LTBP2: variants seen among roughly 807,000 people sequenced by gnomAD.
LTBP2 encodes latent transforming growth factor beta binding protein 2, also known as latent-transforming growth factor beta-binding protein 2.
A neutral mutation model predicts 210.6 loss-of-function variants in LTBP2; 103 were observed. That is an observed-to-expected ratio of 0.49 (90% CI 0.42 to 0.58). The LOEUF is 0.58. Among genes scored for constraint, LTBP2 ranks in the 20% least tolerant of loss-of-function variants. The pLI is 0.00. For synonymous variants in LTBP2, 1,007 were observed against 1,015.0 expected (o/e 0.99, Z 0.15); for missense variants, 2,313 against 2,494.5 (o/e 0.93, Z 1.55).
In LTBP2 at chr14:74,555,546, G is replaced by A. The variant is rs775594734; in HGVS notation, c.978C>T (p.Gly326=). 4.3e-6 allele frequency: 7 copies of A among 1,613,114 alleles called. No homozygotes were observed. The Admixed American group carries it at 5.0e-5, about 12-fold the overall frequency. Residue 326 remains glycine (G), a synonymous_variant, in exon 4 of 36, where the codon GGC becomes GGT. Coordinates refer to ENST00000261978, the MANE Select transcript of LTBP2 (RefSeq NM_000428.3). ...GCTCCAGAGGTACCGCCTGTTGGGT[G>A]CCATCTCTCTGCTCAAGGCCTGGTC... is the stretch of plus-strand genomic sequence containing the variant. ...PPGPGLEQRD[G]TQQAVPLEHP...
intron 25 of LTBP2, 111 bp from the exon 26 acceptor site, chr14:74,507,421 T>C: frequency 6.9e-7 from 1 of 1,454,580 alleles, no homozygotes. Context: ...TCCAAATTAC[T>C]GTGCTCATCC....
intron 32 of LTBP2, 33 bp from the exon 33 acceptor site, chr14:74,503,419 C>A (rs1238079362): frequency 4.3e-6 from 7 of 1,609,912 alleles, no homozygotes; most frequent in Non-Finnish European, 5.1e-6. Flanking sequence ...CACATGAGCC[C>A]CCCAGCCCAG....
At chr14:74,559,838 C>T (rs1206241422) in intron 3 of LTBP2, 2 of 152,166 alleles carry the variant, frequency 1.3e-5, no homozygotes, top group Non-Finnish European at 2.9e-5. Flanking sequence ...AGCAGTATCC[C>T]CCCGATTAAG....
chr14:74,574,840 C>T (rs1245151120), intron 3 of LTBP2, among the ~76,000 whole-genome samples: 2 of 152,182 alleles, frequency 1.3e-5, no homozygotes, highest in African/African-American at 2.4e-5. Context: ...CAGATGTCCG[C>T]CTTCAGGCTC....
intron 3 of LTBP2, among the ~76,000 whole-genome samples, chr14:74,573,335 A>G (rs1447575133): frequency 6.6e-6 from 1 of 152,204 alleles, no homozygotes; most frequent in Non-Finnish European, 1.5e-5. Context: ...TGTGCTGAAG[A>G]TCTTCCACTT....
At position 74,588,725 on chromosome 14, in the gene LTBP2, C is replaced by T. The variant is rs138241345; in HGVS notation, c.566-2607G>A. Among the ~76,000 whole-genome samples the T allele has an allele frequency of 1.6e-3, 238 of 152,270 alleles. 1 individual carries two copies. The highest frequency in any genetic ancestry group is 5.3e-3 in the African/African-American group (222 of 41,540). On this transcript the variant is annotated intron_variant, in intron 2 of 35. Coordinates refer to ENST00000261978, the MANE Select transcript of LTBP2 (RefSeq NM_000428.3). ...GGCCTGGCACCGTGCTCTGCATACA[C>T]GCTCTCACTGAAGCCTCTCGACAAT...
intron 8 of LTBP2, among the ~76,000 whole-genome samples, chr14:74,546,254 T>C (rs1235854165): frequency 6.6e-6 from 1 of 152,162 alleles, no homozygotes; most frequent in Non-Finnish European, 1.5e-5. Flanking sequence ...CCAGGGATGA[T>C]CTAGGATCCA....
In LTBP2 at chr14:74,555,594, G is replaced by C; in HGVS notation, c.930C>G (p.Leu310=). The C allele has an allele frequency of 6.2e-7, 1 of 1,611,720 alleles. No homozygotes were observed. The change falls in exon 4 of 36, where the codon CTC becomes CTG. Residue 310 remains leucine (L), a synonymous_variant. Transcript: ENST00000261978. ...LHPTATASSQ[L]SSNALPPGPG... ...GTCCCGGGGGCAGGGCGTTGGAAGA[G>C]AGCTGGCTACTGGCCGTGGCAGTCG...
intron 8 of LTBP2, among the ~76,000 whole-genome samples, chr14:74,544,983 C>T (rs771231642): frequency 3.9e-5 from 6 of 152,292 alleles, no homozygotes; most frequent in East Asian, 1.9e-4. Context: ...TTTCTCTTAA[C>T]GCAGGCCGGG....
intron 12 of LTBP2, among the ~76,000 whole-genome samples, chr14:74,527,656 G>A (rs554321479): frequency 6.6e-6 from 1 of 152,322 alleles, no homozygotes; most frequent in South Asian, 2.1e-4. Context: ...CGGGTGACAG[G>A]AGTCCCACCT....
intron 8 of LTBP2, among the ~76,000 whole-genome samples, chr14:74,548,289 C>T (rs2087603656): frequency 6.6e-6 from 1 of 151,640 alleles, no homozygotes; most frequent in African/African-American, 2.4e-5. Flanking sequence ...CTATGAGGGG[C>T]CTGGGCTCCA....
At chr14:74,604,231 C>T (rs1008791215) in intron 1 of LTBP2, among the ~76,000 whole-genome samples, 5 of 149,710 alleles carry the variant, frequency 3.3e-5, no homozygotes, top group Admixed American at 2.0e-4. Flanking sequence ...CCAATGCTGA[C>T]GATCCAAGGG....
Position 74,612,120 on chromosome 14 carries a change from G to GC in LTBP2, c.-177dup. 2 of 636,886 alleles carry GC rather than the reference G, an allele frequency of 3.1e-6. No individual in the cohort carries two copies. Among genetic ancestry groups the GC allele is most frequent in the Non-Finnish European group, 4.9e-6 (2 of 405,216 alleles). The allele number at this position is 636,886 out of a possible 1,614,324, so 39.5% of individuals were successfully genotyped here. A position where few individuals can be genotyped will look rare whatever the true frequency, so the allele number is the denominator to read the frequency against. On this transcript the variant is annotated 5_prime_UTR_variant, in exon 1 of 36. Coordinates refer to ENST00000261978, the MANE Select transcript of LTBP2 (RefSeq NM_000428.3). ...GCTCTCGGCGGAACGAGGGCTGCGCGCCCCGAGCCTCGAGTCCGCGCTCCT... is the reference window on the plus strand; with the variant it reads ...GCTCTCGGCGGAACGAGGGCTGCGCGCCCCCGAGCCTCGAGTCCGCGCTCCT...
chr14:74,581,104 G>A (rs2088131030), intron 3 of LTBP2, among the ~76,000 whole-genome samples: 1 of 152,216 alleles, frequency 6.6e-6, no homozygotes. Context: ...AGTGGTGAGG[G>A]TGGACACTGG....
intron 18 of LTBP2, among the ~76,000 whole-genome samples, chr14:74,515,104 C>T (rs1382745837): frequency 6.6e-6 from 1 of 152,136 alleles, no homozygotes; most frequent in Non-Finnish European, 1.5e-5. Flanking sequence ...GTGCCTAGCA[C>T]TTTGTATACA....
intron 1 of LTBP2, among the ~76,000 whole-genome samples, chr14:74,605,556 G>A (rs1352663874): frequency 1.3e-5 from 2 of 152,214 alleles, no homozygotes; most frequent in African/African-American, 4.8e-5. Flanking sequence ...CACCCCTTGT[G>A]GTGGTGACAA....
At chr14:74,549,458 C>T (rs1416795352) in intron 8 of LTBP2, among the ~76,000 whole-genome samples, 5 of 152,172 alleles carry the variant, frequency 3.3e-5, no homozygotes, top group African/African-American at 9.7e-5. Context: ...GAGGCTGGAA[C>T]AGGAGGTAAG....
At chr14:74,595,709 G>A (rs1421279584) in intron 2 of LTBP2, among the ~76,000 whole-genome samples, 1 of 152,224 alleles carries the variant, frequency 6.6e-6, no homozygotes, top group South Asian at 2.1e-4. Flanking sequence ...CCCTGCAGTC[G>A]GAGACCCATG....
chr14:74,528,532 G>A lies in LTBP2; in HGVS notation c.2319C>T (p.Leu773=). The change falls in exon 12 of 36, where the codon CTC becomes CTT. Residue 773 remains leucine, a synonymous_variant. Coordinates refer to ENST00000261978, the MANE Select transcript of LTBP2 (RefSeq NM_000428.3). ...CAAGCCAGGTGTCCGTGACGACCCG[G>A]AGGGGCTGCCTCTCTGCTGGCCCGG... ...ALPGPAERQP[L]RVVTDTWLEA... 1 of 1,612,588 alleles carries A rather than the reference G, an allele frequency of 6.2e-7. No individual in the cohort carries two copies. Among genetic ancestry groups the A allele is most frequent in the Non-Finnish European group, 8.5e-7 (1 of 1,180,030 alleles).
Sources: allele counts gnomAD v4.1 joint callset (sites outside exome capture counted in the v4.1 genomes callset), GRCh38; gene constraint gnomAD v4.1.1; transcripts MANE v1.5; gene names NCBI Gene and HGNC (gene_info 2026-07-23, HGNC 2026-07-21).